SMC3: variants seen among roughly 807,000 people sequenced by gnomAD.
SMC3 encodes the protein structural maintenance of chromosomes protein 3.
SMC3 carries 20 observed loss-of-function variants against 171.8 expected under a neutral mutation model. That is an observed-to-expected ratio of 0.12 (90% CI 0.08 to 0.17). SMC3 has a LOEUF of 0.17. SMC3 is among the 10% of genes least tolerant of loss of function. The pLI, the probability that SMC3 is intolerant of heterozygous loss-of-function variation, is 1.00. For missense variants in SMC3, 543 were observed against 1,420.4 expected (o/e 0.38, Z 9.93); for synonymous variants, 464 against 451.1 (o/e 1.03, Z -0.36).
chr10:110,599,233 G>A (rs1861349072), intron 20 of SMC3, among the ~76,000 whole-genome samples: 1 of 152,148 alleles, frequency 6.6e-6, no homozygotes, highest in African/African-American at 2.4e-5. Context: ...GAGTAGCTGG[G>A]ATTGCAGGCG....
chr10:110,587,856 A>G (rs759932219), intron 13 of SMC3, among the ~76,000 whole-genome samples: 5 of 152,240 alleles, frequency 3.3e-5, no homozygotes, highest in Non-Finnish European at 4.4e-5. Context: ...GGATGAATTA[A>G]GTAATTGCTG....
At chr10:110,574,019 C>G (rs2134714186) in intron 3 of SMC3, among the ~76,000 whole-genome samples, 1 of 152,196 alleles carries the variant, frequency 6.6e-6, no homozygotes, top group African/African-American at 2.4e-5. Flanking sequence ...TTTGCCCTGT[C>G]TACCTTAGAT....
Position 110,599,547 on chromosome 10 carries a change from T to C in SMC3, c.2269-107T>C. The C allele has an allele frequency of 3.2e-6, 3 of 952,152 alleles. No individual in the cohort carries two copies. In the South Asian group the frequency reaches 5.2e-5, roughly 17 times the overall value. 59.0% of individuals were successfully genotyped at this position (952,152 alleles called of 1,614,324 possible). ...ATTAATAGGCACCTAATATTTGAGTTGATATGTCTATATATTTAGCTCAAT... is the reference window on the plus strand; with the variant it reads ...ATTAATAGGCACCTAATATTTGAGTCGATATGTCTATATATTTAGCTCAAT... On this transcript the variant is annotated intron_variant, in intron 20 of 28. Transcript: ENST00000361804.
chr10:110,573,195 G>A (rs1051824831), intron 2 of SMC3, among the ~76,000 whole-genome samples: 4 of 151,946 alleles, frequency 2.6e-5, no homozygotes, highest in Non-Finnish European at 5.9e-5. Flanking sequence ...GTATTGAATT[G>A]CTTATATTTG....
At chr10:110,583,313 G>C in intron 10 of SMC3, 71 bp from the exon 11 acceptor site, 1 of 1,222,406 alleles carries the variant, frequency 8.2e-7, no homozygotes, top group Non-Finnish European at 1.2e-6. Context: ...AAGTGAAAGA[G>C]AATTAATGGT....
chr10:110,582,203 TA>T (rs367741874), intron 9 of SMC3, 105 bp downstream of exon 9: 37 of 1,052,006 alleles, frequency 3.5e-5, no homozygotes, highest in South Asian at 2.4e-4. Context: ...AATAGAAACT[TA>T]AAAAAAACCT....
chr10:110,579,399 A>G (rs1397982749), intron 7 of SMC3, among the ~76,000 whole-genome samples: 1 of 152,170 alleles, frequency 6.6e-6, no homozygotes, highest in African/African-American at 2.4e-5. Flanking sequence ...TGTGGGAGAT[A>G]AATTTTTTTA....
chr10:110,585,956 C>G lies in SMC3; in HGVS notation c.1305+1560C>G, dbSNP rs988988997. Reference sequence around the variant, plus strand: ...GGGACCACAGGCACATGCCACCACGCCTGGCTAATTTTTTGTATTTTTAGT... The same window carrying G: ...GGGACCACAGGCACATGCCACCACGGCTGGCTAATTTTTTGTATTTTTAGT... On this transcript the variant is annotated intron_variant, in intron 13 of 28. Coordinates refer to ENST00000361804, the MANE Select transcript of SMC3 (RefSeq NM_005445.4). 4.6e-5 allele frequency among the ~76,000 whole-genome samples: 7 copies of G among 151,944 alleles called. No individual in the cohort carries two copies. The South Asian group carries it at 1.5e-3, about 32-fold the overall frequency.
chr10:110,589,553 G>A, intron 13 of SMC3, 52 bp from the exon 14 acceptor site: 1 of 1,170,150 alleles, frequency 8.5e-7, no homozygotes, highest in Admixed American at 1.9e-5. Flanking sequence ...CTTTCTATCA[G>A]TGTAGATTAG....
chr10:110,589,306 T>G (rs893913494), intron 13 of SMC3, among the ~76,000 whole-genome samples: 1 of 152,180 alleles, frequency 6.6e-6, no homozygotes, highest in African/African-American at 2.4e-5. Flanking sequence ...ATACAGTAAA[T>G]TGTACATATT....
chr10:110,583,649 T>A, intron 11 of SMC3, 101 bp downstream of exon 11: 1 of 1,324,070 alleles, frequency 7.6e-7, no homozygotes, highest in Non-Finnish European at 1.1e-6. Flanking sequence ...AATTTTTTTT[T>A]AAGCTTTGCT....
rs1861390672 is a variant in SMC3 at position 110,601,820 on chromosome 10, T to C, written c.2828T>C (p.Ile943Thr). Residue 943 changes from isoleucine (I) to threonine (T), a missense_variant, in exon 24 of 29, where the codon ATT (isoleucine) becomes ACT (threonine). This residue lies in a region of SMC3 where 81 missense variants were observed against 184.2 expected (regional missense o/e 0.44). Coordinates refer to ENST00000361804, the MANE Select transcript of SMC3 (RefSeq NM_005445.4). ...AAGAAAGAAGAGTGTATGAAGAAAA[T>C]TCGAGAACTTGGATCACTTCCCCAG... ...LKKKEECMKK[I>T]RELGSLPQEA... is the part of the protein sequence containing the mutation. 1 of 1,613,588 alleles carries C rather than the reference T, an allele frequency of 6.2e-7. No individual in the cohort carries two copies. Among genetic ancestry groups the C allele is most frequent in the Non-Finnish European group, 8.5e-7 (1 of 1,179,788 alleles).
chr10:110,589,741 T>TC, intron 14 of SMC3, 33 bp downstream of exon 14: 1 of 1,439,298 alleles, frequency 6.9e-7, no homozygotes, highest in Non-Finnish European at 9.8e-7. Flanking sequence ...ATTAATGTTT[T>TC]CAGTAATGTT....
intron 1 of SMC3, 84 bp downstream of exon 1, chr10:110,567,915 C>A: frequency 7.0e-7 from 1 of 1,431,108 alleles, no homozygotes; most frequent in Non-Finnish European, 9.5e-7. Context: ...CCACCCGCAG[C>A]CTCTCCCCTG....
chr10:110,602,841 A>C lies in SMC3; in HGVS notation c.3314A>C (p.Lys1105Thr). 1.2e-6 allele frequency: 2 copies of C among 1,613,946 alleles called. No individual in the cohort carries two copies. The highest frequency in any genetic ancestry group is 1.7e-6 in the Non-Finnish European group (2 of 1,179,856). The change falls in exon 27 of 29, where the codon AAA becomes ACA. Residue 1105 changes from lysine (K) to threonine (T), a missense_variant. Lys to Thr is a moderately conservative substitution (Grantham distance 78, BLOSUM62 -1). This residue lies in a region of SMC3 where 31 missense variants were observed against 150.9 expected (regional missense o/e 0.21). Coordinates refer to ENST00000361804, the MANE Select transcript of SMC3 (RefSeq NM_005445.4). ...GVGIRVSFTG[K>T]QGEMREMQQL... ...TATTTTTAGGTGTCATTTACAGGAA[A>C]ACAAGGTGAAATGAGAGAAATGCAA...
At chr10:110,572,420 G>A (rs1407002038) in intron 2 of SMC3, among the ~76,000 whole-genome samples, 2 of 152,138 alleles carry the variant, frequency 1.3e-5, no homozygotes, top group Admixed American at 1.3e-4. Context: ...TAGTTGTCAT[G>A]CTTCTTTAGT....
At chr10:110,591,193 C>T in intron 17 of SMC3, 61 bp downstream of exon 17, 2 of 1,478,170 alleles carry the variant, frequency 1.4e-6, no homozygotes, top group Non-Finnish European at 1.9e-6. Flanking sequence ...ATCACATAAT[C>T]TAACACATGC....
chr10:110,583,685 A>T (rs1240208751), intron 11 of SMC3, 137 bp downstream of exon 11: 13 of 1,196,640 alleles, frequency 1.1e-5, no homozygotes, highest in African/African-American at 1.5e-5. Context: ...GTACTCAAGT[A>T]ACAACTTGGT....
chr10:110,592,803 C>T (rs558367926), intron 17 of SMC3, among the ~76,000 whole-genome samples: 4 of 152,210 alleles, frequency 2.6e-5, no homozygotes, highest in South Asian at 2.1e-4. Flanking sequence ...AATGGTGAAA[C>T]GAGTGTTTGA....
Sources: gnomAD v4.1 joint callset for allele counts (sites outside exome capture counted in the v4.1 genomes callset) on GRCh38, gnomAD v4.1.1 for gene constraint, gnomAD v4.1.1 regional missense constraint, MANE v1.5 for transcripts, NCBI Gene and HGNC (gene_info 2026-07-23, HGNC 2026-07-21) for gene names.